CLOCK: variants seen among roughly 807,000 people sequenced by gnomAD.
CLOCK encodes circadian locomoter output cycles protein kaput.
A neutral mutation model predicts 118.4 loss-of-function variants in CLOCK; 43 were observed. The ratio of observed to expected loss-of-function variants is 0.36; its 90% confidence interval spans 0.28 to 0.47. The LOEUF (loss-of-function observed/expected upper bound fraction) is 0.47, where lower values mean the gene tolerates loss of function less well. Among genes scored for constraint, CLOCK ranks in the 20% least tolerant of loss-of-function variants. The probability of loss-of-function intolerance (pLI) is 1.00; values close to 1 mark genes in which losing one functional copy is unlikely to be tolerated. For synonymous variants in CLOCK, 326 were observed against 339.2 expected (o/e 0.96, Z 0.43); for missense variants, 846 against 999.9 (o/e 0.85, Z 2.08).
At chr4:55,535,186 T>TA (rs1560484698) in intron 1 of CLOCK, among the ~76,000 whole-genome samples, 2 of 149,018 alleles carry the variant, frequency 1.3e-5, no homozygotes, top group Non-Finnish European at 1.5e-5. Flanking sequence ...TTTATCAGTA[T>TA]AAAAAAAAAT....
In CLOCK at chr4:55,435,258, G is replaced by A. The variant is rs2109619935; in HGVS notation, c.*157C>T. 2.5e-6 allele frequency: 2 copies of A among 809,054 alleles called. No individual in the cohort carries two copies. Among genetic ancestry groups the A allele is most frequent in the Non-Finnish European group, 2.0e-6 (1 of 491,180 alleles). The allele number at this position is 809,054 out of a possible 1,614,324, so 50.1% of individuals were successfully genotyped here. On this transcript the variant is annotated 3_prime_UTR_variant, in exon 23 of 23. Transcript: ENST00000513440. ...ATTTAATGTACATCTGTAGCACTAG[G>A]CAGCATTTTCTCTGCCAACTAATTC...
At position 55,544,994 on chromosome 4, in the gene CLOCK, T is replaced by C. The variant is rs140137264; in HGVS notation, c.-290+1788A>G. 1.6e-3 allele frequency among the ~76,000 whole-genome samples: 243 copies of C among 152,176 alleles called. 1 individual carries two copies. The highest frequency in any genetic ancestry group is 5.1e-3 in the African/African-American group (214 of 41,578). ...TACGTAGAAAGCTTCCTTATTCTTT[T>C]TTCATAACTGATTACGCCTAGCTTT... is the stretch of plus-strand genomic sequence containing the variant. On this transcript the variant is annotated intron_variant, in intron 1 of 22. Coordinates refer to ENST00000513440, the MANE Select transcript of CLOCK (RefSeq NM_004898.4).
intron 4 of CLOCK, 51 bp downstream of exon 4, chr4:55,482,688 T>C (rs1167183884): frequency 8.2e-7 from 1 of 1,215,488 alleles, no homozygotes; most frequent in Admixed American, 2.1e-5. Flanking sequence ...ATTCTAATAG[T>C]GCATTTTAAA....
chr4:55,523,506 C>A (rs1330665158), intron 1 of CLOCK, among the ~76,000 whole-genome samples: 3 of 152,078 alleles, frequency 2.0e-5, no homozygotes, highest in Non-Finnish European at 2.9e-5. Flanking sequence ...AAAATTGACA[C>A]TGAAAAATTA....
At chr4:55,546,384 A>C (rs932805163) in intron 1 of CLOCK, 1 of 152,220 alleles carries the variant, frequency 6.6e-6, no homozygotes, top group Non-Finnish European at 1.5e-5. Context: ...ACGACACGCC[A>C]AACTTGGGCT....
intron 9 of CLOCK, among the ~76,000 whole-genome samples, chr4:55,462,239 C>T (rs1052431173): frequency 3.3e-5 from 5 of 152,206 alleles, no homozygotes; most frequent in Non-Finnish European, 7.3e-5. Flanking sequence ...GTCTTCAAAG[C>T]AAACGCCTTC....
At chr4:55,452,925 A>G (rs1166767348) in intron 15 of CLOCK, 129 bp downstream of exon 15, 2 of 694,974 alleles carry the variant, frequency 2.9e-6, no homozygotes, top group Non-Finnish European at 4.8e-6. Flanking sequence ...GTAGTAAAGT[A>G]TAATCACATC....
At chr4:55,450,365 C>T (rs1724323203) in intron 15 of CLOCK, 133 bp from the exon 16 acceptor site, 8 of 948,992 alleles carry the variant, frequency 8.4e-6, no homozygotes, top group Non-Finnish European at 1.1e-5. Flanking sequence ...TGTACATACA[C>T]ATGTAAAGAA....
chr4:55,488,294 C>A (rs1239777237), intron 3 of CLOCK, among the ~76,000 whole-genome samples: 2 of 152,196 alleles, frequency 1.3e-5, no homozygotes, highest in Non-Finnish European at 2.9e-5. Context: ...CCTTCTAAAT[C>A]TGTATACACT....
chr4:55,441,172 C>A (rs1577675827), intron 21 of CLOCK, among the ~76,000 whole-genome samples: 1 of 152,142 alleles, frequency 6.6e-6, no homozygotes, highest in East Asian at 1.9e-4. Flanking sequence ...TTCTGTCCCC[C>A]TCAAAAGATA....
At chr4:55,481,226 T>C (rs745987095) in intron 4 of CLOCK, among the ~76,000 whole-genome samples, 6 of 152,040 alleles carry the variant, frequency 3.9e-5, no homozygotes, top group Non-Finnish European at 7.4e-5. Flanking sequence ...ACTCATATCA[T>C]GGTGGAGGTG....
intron 18 of CLOCK, among the ~76,000 whole-genome samples, 196 bp downstream of exon 18, chr4:55,448,583 T>TGC (rs1016031959): frequency 1.9e-5 from 2 of 106,080 alleles, no homozygotes; most frequent in Non-Finnish European, 4.1e-5. Context: ...ATTATATATG[T>TGC]GCGCGCGCGC....
rs757699632 is a variant in CLOCK at position 55,475,979 on chromosome 4, G to A, written c.332C>T (p.Thr111Ile). 6.2e-7 allele frequency: 1 copy of A among 1,610,324 alleles called. No individual in the cohort carries two copies. Among genetic ancestry groups the A allele is most frequent in the Non-Finnish European group, 8.5e-7 (1 of 1,176,882 alleles). Residue 111 changes from threonine to isoleucine, a missense_variant, in exon 7 of 23, where the codon ACA becomes ATA. By Grantham distance (89) the Thr-to-Ile change is moderately conservative (BLOSUM62 -1). Around this residue, in one of 4 missense-constraint regions of CLOCK, gnomAD observed 246 missense variants for 300.2 expected, o/e 0.82. Transcript: ENST00000513440. Reference protein sequence around the residue: ...KPTFLSNEEFTQLMLEALDGF... With the variant: ...KPTFLSNEEFIQLMLEALDGF... ...TGGACATACCTCTAACATTAATTGT[G>A]TAAACTCTTCATTACTAAGGAATGT...
chr4:55,486,405 T>C (rs1727298795), intron 3 of CLOCK: 1 of 152,206 alleles, frequency 6.6e-6, no homozygotes, highest in African/African-American at 2.4e-5. Context: ...GAGGACAAGC[T>C]GTCTTCTTGT....
intron 21 of CLOCK, among the ~76,000 whole-genome samples, chr4:55,441,390 A>C (rs1397972070): frequency 6.6e-6 from 1 of 152,214 alleles, no homozygotes; most frequent in Non-Finnish European, 1.5e-5. Context: ...GTATCTACCC[A>C]AAGGAAAAGA....
rs1722722833 is a variant in CLOCK, at chr4:55,434,319, T to A, written c.*1096A>T. ...TTCAACAAATCCCAAAAGTTAAAAT[T>A]CCCATGATTGAGAATGTTAAAAAGT... On this transcript the variant is annotated 3_prime_UTR_variant, in exon 23 of 23. Coordinates refer to ENST00000513440, the MANE Select transcript of CLOCK (RefSeq NM_004898.4). 6.6e-6 allele frequency: 1 copy of A among 152,604 alleles called. No individual in the cohort carries two copies. Among genetic ancestry groups the A allele is most frequent in the Non-Finnish European group, 1.5e-5 (1 of 68,020 alleles). The allele number at this position is 152,604 out of a possible 1,614,324, so 9.5% of individuals were successfully genotyped here.
chr4:55,528,018 C>T (rs1040491503), intron 1 of CLOCK, among the ~76,000 whole-genome samples: 1 of 146,302 alleles, frequency 6.8e-6, no homozygotes, highest in African/African-American at 2.5e-5. Context: ...AGCAACACAG[C>T]AAGACCCTGT....
chr4:55,466,614 G>A (rs558646904), intron 8 of CLOCK, among the ~76,000 whole-genome samples: 1 of 152,092 alleles, frequency 6.6e-6, no homozygotes, highest in African/African-American at 2.4e-5. Flanking sequence ...TAACTTCATA[G>A]GATGTTTCAT....
At chr4:55,524,016 A>G (rs904365394) in intron 1 of CLOCK, among the ~76,000 whole-genome samples, 2 of 152,092 alleles carry the variant, frequency 1.3e-5, no homozygotes, top group African/African-American at 4.8e-5. Context: ...TATCCAGTAA[A>G]TTTTGGCATG....
Sources: allele counts gnomAD v4.1 joint callset (sites outside exome capture counted in the v4.1 genomes callset), GRCh38; gene constraint gnomAD v4.1.1; regional missense constraint gnomAD v4.1.1; transcripts MANE v1.5; gene names NCBI Gene and HGNC (gene_info 2026-07-23, HGNC 2026-07-21).